NKAIN3: variants seen among roughly 807,000 people sequenced by gnomAD.
NKAIN3 encodes sodium/potassium transporting ATPase interacting 3.
In NKAIN3, 25 loss-of-function variants were observed where a neutral mutation model predicts 30.2. The ratio of observed to expected loss-of-function variants is 0.83; its 90% confidence interval spans 0.60 to 1.16. The LOEUF (loss-of-function observed/expected upper bound fraction) is 1.16. Among genes scored for constraint, NKAIN3 ranks in the 50% most tolerant of loss-of-function variants. NKAIN3 has a pLI of 0.00. For missense variants in NKAIN3, 225 were observed against 254.1 expected (o/e 0.89, Z 0.78); for synonymous variants, 91 against 89.6 (o/e 1.02, Z -0.09).
intron 1 of NKAIN3, among the ~76,000 whole-genome samples, chr8:62,378,394 T>C (rs140399382): frequency 2.5e-3 from 382 of 152,304 alleles, no homozygotes; most frequent in Non-Finnish European, 4.2e-3. Flanking sequence ...TGCAGAAATT[T>C]GCATAAGTAA....
chr8:62,946,474 G>T (rs1005221463), intron 5 of NKAIN3, among the ~76,000 whole-genome samples: 1 of 152,158 alleles, frequency 6.6e-6, no homozygotes, highest in Non-Finnish European at 1.5e-5. Flanking sequence ...CAGCAGCAGG[G>T]TTTAGTTGCC....
At chr8:62,498,154 T>G (rs1289915020) in intron 1 of NKAIN3, among the ~76,000 whole-genome samples, 3 of 152,116 alleles carry the variant, frequency 2.0e-5, no homozygotes, top group Admixed American at 6.6e-5. Flanking sequence ...TGGTATATAA[T>G]GTATCGTAAA....
chr8:62,254,724 T>C (rs1481772276), intron 1 of NKAIN3, among the ~76,000 whole-genome samples: 1 of 152,178 alleles, frequency 6.6e-6, no homozygotes, highest in East Asian at 1.9e-4. Context: ...GCCAGGTCTG[T>C]GGAAGCAAAG....
At chr8:62,522,184 G>A (rs1458972063) in intron 1 of NKAIN3, among the ~76,000 whole-genome samples, 4 of 152,004 alleles carry the variant, frequency 2.6e-5, no homozygotes, top group African/African-American at 9.7e-5. Context: ...TCAACGGCAG[G>A]CCACATATAC....
intron 3 of NKAIN3, among the ~76,000 whole-genome samples, chr8:62,646,780 A>G (rs1401831975): frequency 6.6e-6 from 1 of 152,176 alleles, no homozygotes; most frequent in Non-Finnish European, 1.5e-5. Context: ...ATGTAAAGTA[A>G]CAGTATCAAA....
chr8:62,299,624 A>G (rs573480802), intron 1 of NKAIN3, among the ~76,000 whole-genome samples: 1 of 152,242 alleles, frequency 6.6e-6, no homozygotes, highest in South Asian at 2.1e-4. Flanking sequence ...AGAGAAATAC[A>G]CATTTGATTG....
At chr8:62,853,056 AC>A (rs577220377) in intron 4 of NKAIN3, among the ~76,000 whole-genome samples, 48 of 152,098 alleles carry the variant, frequency 3.2e-4, no homozygotes, top group African/African-American at 1.1e-3. Context: ...CAGTGGGGTA[AC>A]AAAGTCTCCC....
In NKAIN3 at chr8:62,904,556, G is replaced by A. The variant is rs7817063; in HGVS notation, c.472-13897G>A. 7.0e-3 allele frequency among the ~76,000 whole-genome samples: 1,061 copies of A among 152,264 alleles called. 15 individuals carry two copies. The highest frequency in any genetic ancestry group is 0.024 in the African/African-American group (995 of 41,550). On this transcript the variant is annotated intron_variant, in intron 4 of 6. Coordinates refer to ENST00000623646, the MANE Select transcript of NKAIN3 (RefSeq NM_001304533.3). The stretch of plus-strand genomic sequence containing the variant: ...CTTATTGAATCATGGCAATAACTCT[G>A]ATGCACACAAGCAGAGCTGGAGTTT...
chr8:62,769,136 T>A (rs1464762571), intron 4 of NKAIN3, among the ~76,000 whole-genome samples: 5 of 152,204 alleles, frequency 3.3e-5, no homozygotes, highest in African/African-American at 1.2e-4. Flanking sequence ...GAAATCCACA[T>A]TCTAGTCTAG....
intron 1 of NKAIN3, among the ~76,000 whole-genome samples, chr8:62,534,743 G>A (rs1808599492): frequency 6.6e-6 from 1 of 152,090 alleles, no homozygotes; most frequent in Non-Finnish European, 1.5e-5. Context: ...CTGCTTCTGG[G>A]CTAAATTCTA....
intron 3 of NKAIN3, among the ~76,000 whole-genome samples, chr8:62,596,691 C>T (rs1422889114): frequency 6.6e-6 from 1 of 152,026 alleles, no homozygotes; most frequent in Admixed American, 6.6e-5. Context: ...TATCACCGAC[C>T]ACTGCATACC....
intron 4 of NKAIN3, among the ~76,000 whole-genome samples, chr8:62,818,255 T>C (rs989296511): frequency 6.6e-6 from 1 of 152,170 alleles, no homozygotes. Flanking sequence ...CCAAATGAAG[T>C]GTTCCCAGGA....
intron 5 of NKAIN3, among the ~76,000 whole-genome samples, chr8:62,939,019 G>A (rs1048979032): frequency 6.6e-6 from 1 of 152,032 alleles, no homozygotes; most frequent in Non-Finnish European, 1.5e-5. Flanking sequence ...GGATATGGAT[G>A]GAAAAATCTC....
rs560788785 is a variant in NKAIN3 at position 62,793,396 on chromosome 8, T to A, written c.471+46267T>A. On this transcript the variant is annotated intron_variant, in intron 4 of 6. Transcript: ENST00000623646. The stretch of plus-strand genomic sequence containing the variant: ...ACTATAGACATGGCACCCCAAGCCC[T>A]TCTCCAAATCAAAACTTTTTGGCTT... Among the ~76,000 whole-genome samples the A allele has an allele frequency of 2.0e-5, 3 of 152,324 alleles. No individual in the cohort carries two copies. In the East Asian group the frequency reaches 5.8e-4, roughly 29 times the overall value.
chr8:62,589,630 C>A, intron 2 of NKAIN3, 84 bp from the exon 3 acceptor site: 2 of 604,234 alleles, frequency 3.3e-6, no homozygotes, highest in Non-Finnish European at 6.0e-6. Context: ...GACTTATTGA[C>A]ATTTTTATTA....
chr8:62,574,199 G>T lies in NKAIN3; in HGVS notation c.55-5340G>T, dbSNP rs189603714. Among the ~76,000 whole-genome samples the T allele has an allele frequency of 1.1e-3, 171 of 152,206 alleles. 1 individual carries two copies. The highest frequency in any genetic ancestry group is 4.0e-3 in the African/African-American group (165 of 41,552). ...TAGTTCTGTCCATGCTCTGGCAAAT[G>T]ACAGGATACAAATGACAGGATCTTA... On this transcript the variant is annotated intron_variant, in intron 1 of 6. Coordinates refer to ENST00000623646, the MANE Select transcript of NKAIN3 (RefSeq NM_001304533.3).
intron 4 of NKAIN3, among the ~76,000 whole-genome samples, chr8:62,773,790 G>C (rs543612703): frequency 6.6e-6 from 1 of 152,266 alleles, no homozygotes; most frequent in South Asian, 2.1e-4. Context: ...ATGTGGAACT[G>C]TGAGTCAATT....
chr8:62,912,997 A>G (rs1563624752), intron 4 of NKAIN3, among the ~76,000 whole-genome samples: 2 of 152,172 alleles, frequency 1.3e-5, no homozygotes, highest in Non-Finnish European at 2.9e-5. Context: ...AGTATCATCA[A>G]TATCACTGTC....
At chr8:62,797,327 G>C (rs1817893484) in intron 4 of NKAIN3, among the ~76,000 whole-genome samples, 1 of 152,144 alleles carries the variant, frequency 6.6e-6, no homozygotes, top group African/African-American at 2.4e-5. Context: ...TAGACTCCTT[G>C]GTCATAGGTG....
Sources: gnomAD v4.1 joint callset for allele counts (sites outside exome capture counted in the v4.1 genomes callset) on GRCh38, gnomAD v4.1.1 for gene constraint, MANE v1.5 for transcripts, NCBI Gene and HGNC (gene_info 2026-07-23, HGNC 2026-07-21) for gene names.